Variants in ACTN4 observed in about 807,000 individuals in gnomAD.
ACTN4 encodes the protein alpha-actinin-4.
A neutral mutation model predicts 114.2 loss-of-function variants in ACTN4; 18 were observed. The ratio of observed to expected loss-of-function variants is 0.16; its 90% CI spans 0.11 to 0.23. The LOEUF is 0.23. Among genes scored for constraint, ACTN4 ranks in the 10% least tolerant of loss-of-function variants. The pLI is 1.00. For missense variants in ACTN4, 722 were observed against 1,262.9 expected, an observed-to-expected ratio of 0.57 and a Z score of 6.49; for synonymous variants, 515 against 506.3, an observed-to-expected ratio of 1.02 and a Z score of -0.23.
In ACTN4 at chr19:38,729,283, A is replaced by G; in HGVS notation, c.2587A>G (p.Thr863Ala). The G allele has an allele frequency of 6.2e-7, 1 of 1,612,764 alleles. No homozygotes were observed. Among genetic ancestry groups the G allele is most frequent in the Non-Finnish European group, 8.5e-7 (1 of 1,179,960 alleles). Residue 863 changes from threonine to alanine, a missense_variant, in exon 21 of 21, where the codon ACA (threonine) becomes GCA (alanine). Transcript: ENST00000252699. The part of the protein sequence containing the change: ...KVLAGDKNFI[T>A]AEELRRELPP... ...ATCCTGCCTGCCCCAGAACTTCATC[A>G]CAGCTGAGGAGCTGCGGAGAGAGCT... is the stretch of plus-strand genomic sequence containing the variant.
chr19:38,648,096 A>T (rs892043343), intron 1 of ACTN4, 189 bp downstream of exon 1: 69 of 620,966 alleles, frequency 1.1e-4, no homozygotes, highest in Non-Finnish European at 1.5e-4. Flanking sequence ...AGGAATTGGG[A>T]ATCTGAAAAG....
chr19:38,647,672 G>C lies in ACTN4; in HGVS notation c.-74G>C, dbSNP rs929083413. 13 of 1,479,588 alleles carry C rather than the reference G, an allele frequency of 8.8e-6. No individual in the cohort carries two copies. In the African/African-American group the frequency reaches 1.6e-4, roughly 18 times the overall value. 91.7% of individuals were successfully genotyped at this position (1,479,588 alleles called of 1,614,324 possible). A position where few individuals can be genotyped will look rare whatever the true frequency, so the allele number is the denominator to read the frequency against. On this transcript the variant is annotated 5_prime_UTR_variant, in exon 1 of 21. Transcript: ENST00000252699. ...CTGAAGCAGCTGAAGCGGCGGTAGC[G>C]GCGGCGGCTCGGGCAGAGGGGCGGG...
chr19:38,668,799 T>TA (rs1422740211), intron 1 of ACTN4, among the ~76,000 whole-genome samples: 4 of 152,236 alleles, frequency 2.6e-5, no homozygotes, highest in Non-Finnish European at 5.9e-5. Flanking sequence ...CTCACTGACT[T>TA]ACTGAAGTAA....
rs763212160 is a variant in ACTN4, at chr19:38,730,880, TAAGG to T, written c.*1452_*1455del. On this transcript the variant is annotated 3_prime_UTR_variant, in exon 21 of 21. Transcript: ENST00000252699. Reference sequence around the variant, plus strand: ...GGAGAAGGTGGCCACCTCCATCCACTAAGGAAGAGAAGGAAGACAGTGGCTTGAG... The same window carrying T: ...GGAGAAGGTGGCCACCTCCATCCACTAAGAGAAGGAAGACAGTGGCTTGAG... 3.2e-6 allele frequency: 5 copies of T among 1,551,606 alleles called. No individual in the cohort carries two copies. The South Asian group carries it at 5.9e-5, about 18-fold the overall frequency.
Position 38,647,778 on chromosome 19 carries a change from C to G in ACTN4, c.33C>G (p.Tyr11Ter). Residue 11 changes from tyrosine (Y) to a stop codon, truncating the protein, a stop_gained, in exon 1 of 21, where the codon TAC becomes TAG. Coordinates refer to ENST00000252699, the MANE Select transcript of ACTN4 (RefSeq NM_004924.6). LOFTEE classifies it high-confidence loss of function. ...ACTACCACGCGGCGAACCAGTCGTACCAGTACGGCCCCAGCAGCGCGGGCA... is the reference window on the plus strand; with the variant it reads ...ACTACCACGCGGCGAACCAGTCGTAGCAGTACGGCCCCAGCAGCGCGGGCA... Reference protein sequence around the residue: MVDYHAANQSYQYGPSSAGNG... With the variant: MVDYHAANQS 1 of 1,554,764 alleles carries G rather than the reference C, an allele frequency of 6.4e-7. No homozygotes were observed. Among genetic ancestry groups the G allele is most frequent in the Non-Finnish European group, 8.7e-7 (1 of 1,152,220 alleles).
chr19:38,652,503 T>C (rs1007922315), intron 1 of ACTN4, among the ~76,000 whole-genome samples: 2 of 152,000 alleles, frequency 1.3e-5, no homozygotes, highest in Non-Finnish European at 2.9e-5. Context: ...TCCTAAACAA[T>C]CCAGGGTGTG....
Position 38,727,637 on chromosome 19 carries a change from C to G in ACTN4, c.2338-309C>G, listed in dbSNP as rs557301769. On this transcript the variant is annotated intron_variant, in intron 18 of 20. Transcript: ENST00000252699. This position sits in a 1 kb window ranked among gnomAD's most constrained non-coding sequence, Gnocchi z 5.4. ...CCAAAGGCAAGGAGAACCCCCCCCC[C>G]GACCCTCCACCAGTCCTGGGACTTG... Among the ~76,000 whole-genome samples, 3 of 144,668 alleles carry G rather than the reference C, an allele frequency of 2.1e-5. No homozygotes were observed. The East Asian group carries it at 6.1e-4, about 29-fold the overall frequency. The allele number at this position is 144,668 out of a possible 152,430, so 94.9% of individuals were successfully genotyped here.
At chr19:38,685,382 G>A (rs1246775109) in intron 1 of ACTN4, among the ~76,000 whole-genome samples, 2 of 152,184 alleles carry the variant, frequency 1.3e-5, no homozygotes, top group Non-Finnish European at 2.9e-5. Context: ...CTCCAAGCCT[G>A]AAATTTCTGG....
intron 3 of ACTN4, among the ~76,000 whole-genome samples, chr19:38,702,896 C>T (rs1968330137): frequency 6.6e-6 from 1 of 152,220 alleles, no homozygotes; most frequent in Non-Finnish European, 1.5e-5. Context: ...GCTCAGAGGT[C>T]AGTGAGCAGG....
At chr19:38,716,643 G>A (rs551844290) in intron 9 of ACTN4, among the ~76,000 whole-genome samples, 11 of 152,344 alleles carry the variant, frequency 7.2e-5, no homozygotes, top group African/African-American at 2.2e-4. Context: ...ACCAGCCTGG[G>A]CAGTATACTG....
intron 8 of ACTN4, among the ~76,000 whole-genome samples, chr19:38,711,849 C>T (rs1328947590): frequency 2.0e-5 from 3 of 152,226 alleles, no homozygotes; most frequent in Admixed American, 2.0e-4. Context: ...CCCAGCCCTC[C>T]AGAGGCCAGG....
At position 38,647,781 on chromosome 19, in the gene ACTN4, G is replaced by C. The variant is rs1476421189; in HGVS notation, c.36G>C (p.Gln12His). 2.6e-6 allele frequency: 4 copies of C among 1,556,654 alleles called. No homozygotes were observed. Among genetic ancestry groups the C allele is most frequent in the Non-Finnish European group, 2.6e-6 (3 of 1,153,136 alleles). Residue 12 changes from glutamine (Q) to histidine (H), a missense_variant, in exon 1 of 21, where the codon CAG becomes CAC. Gln to His is a conservative substitution (Grantham distance 24). Around this residue, in one of 3 missense-constraint regions of ACTN4, gnomAD observed 72 missense variants for 75.6 expected, o/e 0.95. Transcript: ENST00000252699. ...VDYHAANQSY[Q>H]YGPSSAGNGA... is the part of the protein sequence containing the mutation. ...ACCACGCGGCGAACCAGTCGTACCA[G>C]TACGGCCCCAGCAGCGCGGGCAATG...
Position 38,647,911 on chromosome 19 carries a change from C to T in ACTN4, c.162+4C>T, listed in dbSNP as rs1976433449. ...CTGGGAGAAGCAGCAGCGCAAGGTG[C>T]GCGGCCCGCGGGCCGGACGGGCTGG... On this transcript the variant is annotated splice_donor_region_variant and intron_variant, in intron 1 of 20. Coordinates refer to ENST00000252699, the MANE Select transcript of ACTN4 (RefSeq NM_004924.6). 1.4e-6 allele frequency: 2 copies of T among 1,428,508 alleles called. No individual in the cohort carries two copies. The highest frequency in any genetic ancestry group is 1.5e-5 in the African/African-American group (1 of 65,264). 88.5% of individuals were successfully genotyped at this position (1,428,508 alleles called of 1,614,324 possible).
chr19:38,647,663 G>A lies in ACTN4; in HGVS notation c.-83G>A. 4.1e-6 allele frequency: 6 copies of A among 1,471,528 alleles called. No homozygotes were observed. The highest frequency in any genetic ancestry group is 2.6e-5 in the South Asian group (2 of 75,852). 91.2% of individuals were successfully genotyped at this position (1,471,528 alleles called of 1,614,324 possible). A position where few individuals can be genotyped will look rare whatever the true frequency, so the allele number is the denominator to read the frequency against. ...GAGGGCGGGCTGAAGCAGCTGAAGC[G>A]GCGGTAGCGGCGGCGGCTCGGGCAG... is the stretch of plus-strand genomic sequence containing the variant. On this transcript the variant is annotated 5_prime_UTR_variant, in exon 1 of 21. Transcript: ENST00000252699.
At position 38,700,669 on chromosome 19, in the gene ACTN4, TTCCG is replaced by T. The variant is rs767432726; in HGVS notation, c.233_236del (p.Phe78Ter). 1 of 1,614,190 alleles carries T rather than the reference TTCCG, an allele frequency of 6.2e-7. No individual in the cohort carries two copies. On this transcript the variant is annotated frameshift_variant, in exon 2 of 21. Transcript: ENST00000252699. LOFTEE classifies it high-confidence loss of function. ...ACAGATCGAGAACATTGATGAGGAC[TTCCG>T]AGACGGGCTCAAGCTCATGCTGCTC...
chr19:38,680,207 A>G (rs1967512976), intron 1 of ACTN4, among the ~76,000 whole-genome samples: 1 of 139,218 alleles, frequency 7.2e-6, no homozygotes, highest in Admixed American at 7.6e-5. Context: ...GCTGGAGCTC[A>G]GGAAGTTTTT....
chr19:38,722,700 C>T (rs1969087668), intron 12 of ACTN4, among the ~76,000 whole-genome samples: 1 of 152,198 alleles, frequency 6.6e-6, no homozygotes, highest in African/African-American at 2.4e-5. Flanking sequence ...GATGCAGCAC[C>T]CTCGGGGGTG....
At chr19:38,660,892 G>A (rs1329645516) in intron 1 of ACTN4, among the ~76,000 whole-genome samples, 2 of 152,190 alleles carry the variant, frequency 1.3e-5, no homozygotes, top group South Asian at 2.1e-4. Context: ...CGAGCGGGTG[G>A]TGAGGGGAGG....
chr19:38,699,249 A>G (rs1212929815), intron 1 of ACTN4, among the ~76,000 whole-genome samples: 1 of 152,154 alleles, frequency 6.6e-6, no homozygotes, highest in East Asian at 1.9e-4. Flanking sequence ...CACCACCAGG[A>G]GGCTGCGTGC....
Sources: allele counts gnomAD v4.1 joint callset (sites outside exome capture counted in the v4.1 genomes callset), GRCh38; gene constraint gnomAD v4.1.1; regional missense constraint gnomAD v4.1.1; non-coding constraint Gnocchi (gnomAD v3.1); transcripts MANE v1.5; gene names NCBI Gene and HGNC (gene_info 2026-07-23, HGNC 2026-07-21).